The following ZBTB16 variants were observed in gnomAD, a reference collection of about 807,000 sequenced individuals.
ZBTB16 encodes zinc finger and BTB domain-containing protein 16.
Under a neutral mutation model 56.8 loss-of-function variants are expected in ZBTB16, and 8 were observed. That is an observed-to-expected ratio of 0.14 (90% CI 0.08 to 0.25). The LOEUF is 0.25. ZBTB16 is among the 10% of genes least tolerant of loss of function. ZBTB16 has a pLI of 1.00. For missense variants in ZBTB16, 625 were observed against 903.0 expected, an observed-to-expected ratio of 0.69 and a Z score of 3.95; for synonymous variants, 363 against 368.5, an observed-to-expected ratio of 0.98 and a Z score of 0.17.
intron 4 of ZBTB16, among the ~76,000 whole-genome samples, chr11:114,201,276 A>G (rs891847052): frequency 6.6e-6 from 1 of 151,956 alleles, no homozygotes; most frequent in African/African-American, 2.4e-5. Flanking sequence ...GGAAGAGACA[A>G]CCTCTTCTGA....
chr11:114,148,337 C>CTGGT (rs1419448426), intron 2 of ZBTB16, among the ~76,000 whole-genome samples: 3 of 63,742 alleles, frequency 4.7e-5, no homozygotes, highest in African/African-American at 2.0e-4. Context: ...GGCTGGCTGG[C>CTGGT]TTCCTTCCTT....
intron 4 of ZBTB16, among the ~76,000 whole-genome samples, chr11:114,219,791 G>A (rs573430976): frequency 6.6e-6 from 1 of 152,278 alleles, no homozygotes; most frequent in Admixed American, 6.5e-5. Flanking sequence ...GAGTTCAAGG[G>A]GAGCTATTAG....
At chr11:114,175,638 A>G (rs909667213) in intron 3 of ZBTB16, among the ~76,000 whole-genome samples, 28 of 152,050 alleles carry the variant, frequency 1.8e-4, no homozygotes, top group Non-Finnish European at 3.5e-4. Context: ...AATTATCAAT[A>G]TTGAGATGCC....
rs1388708217 is a variant in ZBTB16 at position 114,144,058 on chromosome 11, T to C, written c.1269-12279T>C. The stretch of plus-strand genomic sequence containing the variant: ...AGGGAAGAGGATTCGTATTTGTTGC[T>C]TTTATTTTATTTTTCCTTTTATCTC... On this transcript the variant is annotated intron_variant, in intron 2 of 6. Transcript: ENST00000335953. Among the ~76,000 whole-genome samples the C allele has an allele frequency of 2.6e-5, 4 of 152,138 alleles. 1 individual carries two copies. Among genetic ancestry groups the C allele is most frequent in the Non-Finnish European group, 5.9e-5 (4 of 68,014 alleles).
intron 2 of ZBTB16, among the ~76,000 whole-genome samples, chr11:114,124,749 G>A (rs17116435): frequency 6.6e-6 from 1 of 152,112 alleles, no homozygotes; most frequent in Admixed American, 6.5e-5. Context: ...AAATCTCTCC[G>A]TTCTAATGAC....
At chr11:114,182,710 C>G (rs1462081637) in intron 3 of ZBTB16, among the ~76,000 whole-genome samples, 1 of 152,160 alleles carries the variant, frequency 6.6e-6, no homozygotes, top group Non-Finnish European at 1.5e-5. Context: ...CCACTTCGCC[C>G]CCTCCCATTG....
intron 4 of ZBTB16, among the ~76,000 whole-genome samples, chr11:114,190,257 G>A (rs752867921): frequency 2.1e-4 from 32 of 152,114 alleles, no homozygotes; most frequent in Non-Finnish European, 2.5e-4. Flanking sequence ...GCACAGCTTC[G>A]AATACTGAGG....
chr11:114,154,146 G>A (rs1942345162), intron 2 of ZBTB16, among the ~76,000 whole-genome samples: 1 of 152,208 alleles, frequency 6.6e-6, no homozygotes, highest in African/African-American at 2.4e-5. Flanking sequence ...CCCTCATGGA[G>A]AAGAGATGGG....
At chr11:114,192,290 T>A (rs1439073469) in intron 4 of ZBTB16, among the ~76,000 whole-genome samples, 1 of 152,230 alleles carries the variant, frequency 6.6e-6, no homozygotes. Flanking sequence ...AAAGCTAGGC[T>A]GGAAGTACAC....
intron 2 of ZBTB16, among the ~76,000 whole-genome samples, chr11:114,098,058 T>G (rs1483626676): frequency 6.6e-6 from 1 of 152,212 alleles, no homozygotes; most frequent in African/African-American, 2.4e-5. Flanking sequence ...TGGTGGCAGA[T>G]GTAGCCAGAG....
intron 2 of ZBTB16, among the ~76,000 whole-genome samples, chr11:114,115,693 G>A (rs904422511): frequency 1.3e-5 from 2 of 152,152 alleles, no homozygotes; most frequent in South Asian, 2.1e-4. Context: ...TAACAGCCAC[G>A]TATTAAGGTT....
intron 6 of ZBTB16, among the ~76,000 whole-genome samples, chr11:114,248,688 A>G (rs567364579): frequency 6.6e-6 from 1 of 152,254 alleles, no homozygotes; most frequent in East Asian, 1.9e-4. Flanking sequence ...CAGTAAGCAG[A>G]GCTATGTGTT....
At chr11:114,097,446 AAAATGGTAAAT>A (rs1940458125) in intron 2 of ZBTB16, among the ~76,000 whole-genome samples, 1 of 152,214 alleles carries the variant, frequency 6.6e-6, no homozygotes, top group African/African-American at 2.4e-5. Flanking sequence ...TAGAATCTTT[AAAATGGTAAAT>A]TTTAGTTACA....
chr11:114,233,076 C>T lies in ZBTB16; in HGVS notation c.1454-9091C>T, dbSNP rs1269268961. Among the ~76,000 whole-genome samples the T allele has an allele frequency of 4.4e-5, 2 of 45,324 alleles. 1 individual carries two copies. Among genetic ancestry groups the T allele is most frequent in the Non-Finnish European group, 9.0e-5 (2 of 22,170 alleles). The allele number at this position is 45,324 out of a possible 152,430, so 29.7% of individuals were successfully genotyped here. A position where few individuals can be genotyped will look rare whatever the true frequency, so the allele number is the denominator to read the frequency against. On this transcript the variant is annotated intron_variant, in intron 4 of 6. Coordinates refer to ENST00000335953, the MANE Select transcript of ZBTB16 (RefSeq NM_006006.6). The stretch of plus-strand genomic sequence containing the variant: ...TACTGCACATACGCATGCGCGCGCG[C>T]GCGCGCACACACACACACACACACA...
At chr11:114,071,843 A>G (rs1939360344) in intron 2 of ZBTB16, among the ~76,000 whole-genome samples, 2 of 152,314 alleles carry the variant, frequency 1.3e-5, no homozygotes, top group South Asian at 4.1e-4. Flanking sequence ...CCCACGTTTT[A>G]CAGATAGGAA....
intron 2 of ZBTB16, among the ~76,000 whole-genome samples, chr11:114,116,533 C>T (rs1784140): frequency 0.063 from 9,609 of 152,180 alleles, 364 homozygotes; most frequent in South Asian, 0.097. Flanking sequence ...ATTGCATCGT[C>T]ATCTTCTTTT....
At chr11:114,145,819 A>G (rs1172011113) in intron 2 of ZBTB16, among the ~76,000 whole-genome samples, 1 of 152,234 alleles carries the variant, frequency 6.6e-6, no homozygotes, top group East Asian at 1.9e-4. Flanking sequence ...CAGTAAAGCT[A>G]TTTAGAAAAG....
chr11:114,220,884 G>A (rs1394056080), intron 4 of ZBTB16, among the ~76,000 whole-genome samples: 1 of 152,156 alleles, frequency 6.6e-6, no homozygotes, highest in African/African-American at 2.4e-5. Context: ...CTGTACTTGG[G>A]ACACTCCACA....
chr11:114,089,891 A>G (rs535196445), intron 2 of ZBTB16, among the ~76,000 whole-genome samples: 2 of 152,332 alleles, frequency 1.3e-5, no homozygotes, highest in East Asian at 3.9e-4. Flanking sequence ...GCATCCAGAT[A>G]GCACATGTGG....
Sources: gnomAD v4.1 joint callset for allele counts (sites outside exome capture counted in the v4.1 genomes callset) on GRCh38, gnomAD v4.1.1 for gene constraint, MANE v1.5 for transcripts, NCBI Gene and HGNC (gene_info 2026-07-23, HGNC 2026-07-21) for gene names.